The following TUSC3 variants were observed in gnomAD, a reference collection of about 807,000 sequenced individuals.
TUSC3 encodes tumor suppressor candidate 3, also known as dolichyl-diphosphooligosaccharide--protein glycosyltransferase subunit TUSC3.
Under a neutral mutation model 44.8 loss-of-function variants are expected in TUSC3, and 45 were observed. The ratio of observed to expected loss-of-function variants is 1.00; its 90% CI spans 0.79 to 1.29. The LOEUF (loss-of-function observed/expected upper bound fraction) is 1.29, where lower values mean the gene tolerates loss of function less well. Among genes scored for constraint, TUSC3 ranks in the 50% most tolerant of loss-of-function variants. The pLI is 0.00. For missense variants in TUSC3, 519 were observed against 437.9 expected (o/e 1.19, Z -1.65); for synonymous variants, 212 against 152.9 (o/e 1.39, Z -2.85).
In TUSC3 at chr8:15,620,170, ATACTC is replaced by A. The variant is rs369429485; in HGVS notation, c.139-2907_139-2903del. 2.0e-3 allele frequency among the ~76,000 whole-genome samples: 307 copies of A among 152,264 alleles called. 1 individual carries two copies. The highest frequency in any genetic ancestry group is 5.5e-3 in the African/African-American group (227 of 41,554). On this transcript the variant is annotated intron_variant, in intron 1 of 10. Transcript: ENST00000503731. Reference sequence around the variant, plus strand: ...AGAGATAGAAGATGAATAAGAATGAATACTCTAATCTGTTGAGGGTATAGTGAATC... The same window carrying A: ...AGAGATAGAAGATGAATAAGAATGAATAATCTGTTGAGGGTATAGTGAATC...
At chr8:15,759,486 TA>T (rs1014042767) in intron 10 of TUSC3, among the ~76,000 whole-genome samples, 1 of 151,372 alleles carries the variant, frequency 6.6e-6, no homozygotes, top group Non-Finnish European at 1.5e-5. Context: ...TCAAGATAAA[TA>T]AAAAAAACAA....
the TUSC3 span, among the ~76,000 whole-genome samples, chr8:15,819,131 TCTC>T: frequency 6.6e-6 from 1 of 152,168 alleles, no homozygotes; most frequent in African/African-American, 2.4e-5. Context: ...ATTTTTTCAT[TCTC>T]CATCACCACG....
chr8:15,653,143 C>T (rs1205107664), intron 3 of TUSC3, among the ~76,000 whole-genome samples: 1 of 151,968 alleles, frequency 6.6e-6, no homozygotes, highest in Non-Finnish European at 1.5e-5. Context: ...GCCAGAACAC[C>T]ATGCATCTGA....
the TUSC3 span, among the ~76,000 whole-genome samples, chr8:15,838,540 T>A: frequency 6.6e-6 from 1 of 152,270 alleles, no homozygotes; most frequent in Non-Finnish European, 1.5e-5. Context: ...GAAGTTGACC[T>A]TTCAATGGAA....
chr8:15,620,436 T>G (rs11203714), intron 1 of TUSC3, among the ~76,000 whole-genome samples: 29,474 of 152,160 alleles, frequency 0.19, 2,824 homozygotes, highest in South Asian at 0.27. Context: ...GAAATTATAT[T>G]TTACATTGAT....
upstream of TUSC3, among the ~76,000 whole-genome samples, chr8:15,536,857 C>T (rs1178928091): frequency 1.3e-5 from 2 of 151,900 alleles, no homozygotes; most frequent in Non-Finnish European, 2.9e-5. Flanking sequence ...GAGTCATGCC[C>T]TACAAACCAT....
the TUSC3 span, among the ~76,000 whole-genome samples, chr8:15,850,376 G>A: frequency 6.6e-6 from 1 of 152,068 alleles, no homozygotes; most frequent in East Asian, 1.9e-4. Context: ...TATATAAATG[G>A]CTATTCCAAT....
chr8:15,666,343 A>G (rs1807660923), intron 5 of TUSC3, among the ~76,000 whole-genome samples: 1 of 151,560 alleles, frequency 6.6e-6, no homozygotes, highest in Non-Finnish European at 1.5e-5. Flanking sequence ...ATCACAGTAA[A>G]TCACCGTAGG....
intron 2 of TUSC3, among the ~76,000 whole-genome samples, chr8:15,496,803 A>G (rs1209620239): frequency 6.6e-6 from 1 of 152,120 alleles, no homozygotes; most frequent in East Asian, 1.9e-4. Flanking sequence ...TATTTCTCAC[A>G]CTCACGATAC....
chr8:15,596,610 T>A (rs918632008), intron 1 of TUSC3, among the ~76,000 whole-genome samples: 2 of 152,110 alleles, frequency 1.3e-5, no homozygotes, highest in African/African-American at 4.8e-5. Flanking sequence ...TAACCTTAAT[T>A]TTTAACACTA....
At chr8:15,816,268 G>A in the TUSC3 span, among the ~76,000 whole-genome samples, 3 of 152,132 alleles carry the variant, frequency 2.0e-5, no homozygotes, top group South Asian at 6.2e-4. Context: ...TTGCAGAGGG[G>A]ATAGTGGAAA....
chr8:15,528,310 G>A (rs1373994365), intron 2 of TUSC3, among the ~76,000 whole-genome samples: 3 of 152,134 alleles, frequency 2.0e-5, no homozygotes, highest in Non-Finnish European at 4.4e-5. Flanking sequence ...CATTTGATGA[G>A]TTCAGGAAAT....
At chr8:15,686,003 A>G (rs1355720004) in intron 6 of TUSC3, among the ~76,000 whole-genome samples, 2 of 152,166 alleles carry the variant, frequency 1.3e-5, no homozygotes, top group African/African-American at 4.8e-5. Flanking sequence ...AATACAGAGA[A>G]TATAAAGAAA....
chr8:15,625,556 A>G (rs1224682910), intron 2 of TUSC3, among the ~76,000 whole-genome samples: 1 of 152,208 alleles, frequency 6.6e-6, no homozygotes, highest in Non-Finnish European at 1.5e-5. Context: ...TTCTTGGCTG[A>G]ACACATGTTC....
intron 1 of TUSC3, among the ~76,000 whole-genome samples, chr8:15,467,886 T>A (rs574992194): frequency 6.6e-5 from 10 of 152,306 alleles, no homozygotes; most frequent in Admixed American, 5.9e-4. Context: ...TACTTAGAAT[T>A]CAACAATATA....
At chr8:15,702,769 A>T (rs1203230322) in intron 6 of TUSC3, among the ~76,000 whole-genome samples, 2 of 152,130 alleles carry the variant, frequency 1.3e-5, no homozygotes, top group Non-Finnish European at 2.9e-5. Context: ...TAAAATAACA[A>T]ATTGAAACAA....
At chr8:15,651,323 A>AT (rs1806894087) in intron 3 of TUSC3, among the ~76,000 whole-genome samples, 1 of 152,110 alleles carries the variant, frequency 6.6e-6, no homozygotes, top group South Asian at 2.1e-4. Flanking sequence ...CTTAACTGTT[A>AT]TTTTTTCCAA....
At chr8:15,570,063 C>A (rs555742278) in intron 1 of TUSC3, among the ~76,000 whole-genome samples, 166 of 151,950 alleles carry the variant, frequency 1.1e-3, no homozygotes, top group Non-Finnish European at 1.8e-3. Flanking sequence ...TCAAATAAAA[C>A]CTTCAGGTTT....
chr8:15,504,927 C>T (rs1801033539), intron 2 of TUSC3, among the ~76,000 whole-genome samples: 1 of 151,938 alleles, frequency 6.6e-6, no homozygotes, highest in Non-Finnish European at 1.5e-5. Context: ...GCCGGGATTA[C>T]AGGCAATTTT....
Sources: gnomAD v4.1 joint callset for allele counts (sites outside exome capture counted in the v4.1 genomes callset) on GRCh38, gnomAD v4.1.1 for gene constraint, MANE v1.5 for transcripts, NCBI Gene and HGNC (gene_info 2026-07-23, HGNC 2026-07-21) for gene names.